Variants in HECW1 observed in about 807,000 individuals in gnomAD.
The protein encoded by HECW1 is E3 ubiquitin-protein ligase HECW1.
A neutral mutation model predicts 182.3 loss-of-function variants in HECW1; 61 were observed. That is an observed-to-expected ratio of 0.33 (90% CI 0.27 to 0.41). The LOEUF (loss-of-function observed/expected upper bound fraction) is 0.41. HECW1 is among the 10% of genes least tolerant of loss of function. The pLI is 1.00. For missense variants in HECW1, 1,739 were observed against 2,108.9 expected, an observed-to-expected ratio of 0.82 and a Z score of 3.44; for synonymous variants, 859 against 832.6, an observed-to-expected ratio of 1.03 and a Z score of -0.55.
intron 2 of HECW1, among the ~76,000 whole-genome samples, chr7:43,208,851 A>T (rs1049895213): frequency 6.6e-6 from 1 of 152,084 alleles, no homozygotes; most frequent in African/African-American, 2.4e-5. Context: ...GTCTGGATTC[A>T]TCTCCCTGCA....
intron 3 of HECW1, among the ~76,000 whole-genome samples, chr7:43,273,837 A>G (rs180947420): frequency 6.6e-6 from 1 of 151,786 alleles, no homozygotes; most frequent in East Asian, 1.9e-4. Flanking sequence ...AATATATGAC[A>G]GAAGTTGTAA....
chr7:43,446,813 C>T (rs1403601937), intron 11 of HECW1, among the ~76,000 whole-genome samples: 1 of 152,104 alleles, frequency 6.6e-6, no homozygotes, highest in Non-Finnish European at 1.5e-5. Context: ...GAAAGGTACC[C>T]ACAAGGAGCG....
intron 17 of HECW1, among the ~76,000 whole-genome samples, chr7:43,483,887 G>A (rs2078530360): frequency 6.6e-6 from 1 of 152,066 alleles, no homozygotes; most frequent in African/African-American, 2.4e-5. Context: ...TGAAAGCCAA[G>A]AAGAGGAAGG....
intron 2 of HECW1, among the ~76,000 whole-genome samples, chr7:43,172,710 A>C (rs1791816491): frequency 6.6e-6 from 1 of 152,194 alleles, no homozygotes; most frequent in Non-Finnish European, 1.5e-5. Context: ...AGATCCCTAA[A>C]GGGAACAAAT....
intron 24 of HECW1, among the ~76,000 whole-genome samples, chr7:43,535,850 A>G (rs1394209860): frequency 2.0e-5 from 3 of 152,182 alleles, no homozygotes; most frequent in East Asian, 1.9e-4. Flanking sequence ...AATATTTTAT[A>G]TATCACTTGT....
intron 3 of HECW1, chr7:43,274,197 G>A: frequency 1.3e-5 from 7 of 519,716 alleles, no homozygotes. Context: ...ACAAGGTGGT[G>A]GTCTCTCTTT....
intron 3 of HECW1, among the ~76,000 whole-genome samples, chr7:43,310,066 T>C (rs1307985253): frequency 6.6e-6 from 1 of 152,252 alleles, no homozygotes; most frequent in African/African-American, 2.4e-5. Flanking sequence ...CTGCCTCAGC[T>C]TTGATTATGG....
Position 43,425,225 on chromosome 7 carries a change from T to TCACACACA in HECW1, c.802-12762_802-12755dup, listed in dbSNP as rs61442575. Reference sequence around the variant, plus strand: ...ATATTTTATATATTTACCAAGACACTCACACACACACACACACACACACGT... The same window carrying TCACACACA: ...ATATTTTATATATTTACCAAGACACTCACACACACACACACACACACACACACACACGT... On this transcript the variant is annotated intron_variant, in intron 8 of 29. Transcript: ENST00000395891. Among the ~76,000 whole-genome samples, 13 of 147,556 alleles carry TCACACACA rather than the reference T, an allele frequency of 8.8e-5. No homozygotes were observed. The South Asian group carries it at 1.3e-3, about 15-fold the overall frequency.
intron 8 of HECW1, among the ~76,000 whole-genome samples, chr7:43,434,218 G>T (rs2024269): frequency 0.65 from 99,184 of 152,132 alleles, 33,137 homozygotes; most frequent in Middle Eastern, 0.81. Flanking sequence ...TATAGGATTA[G>T]TGGCCATTAA....
rs71008897 is a variant in HECW1 at position 43,221,537 on chromosome 7, G to GTTTTTTTTTTTT, written c.-31-22307_-31-22296dup. On this transcript the variant is annotated intron_variant, in intron 2 of 29. Coordinates refer to ENST00000395891, the MANE Select transcript of HECW1 (RefSeq NM_015052.5). The stretch of plus-strand genomic sequence containing the variant: ...CTAAACTAAATGTCAGAGGAATTAG[G>GTTTTTTTTTTTT]TTTTTTTTTTTTTTTTTTTTTTTTT... 3.6e-4 allele frequency among the ~76,000 whole-genome samples: 18 copies of GTTTTTTTTTTTT among 50,532 alleles called. 6 individuals carry two copies. Among genetic ancestry groups the GTTTTTTTTTTTT allele is most frequent in the East Asian group, 1.6e-3 (2 of 1,238 alleles). 33.2% of individuals were successfully genotyped at this position (50,532 alleles called of 152,430 possible).
chr7:43,267,995 A>G (rs559769731), intron 3 of HECW1, among the ~76,000 whole-genome samples: 1 of 148,412 alleles, frequency 6.7e-6, no homozygotes, highest in African/African-American at 2.5e-5. Context: ...AATTCACCTG[A>G]TAGTTATCAC....
intron 2 of HECW1, among the ~76,000 whole-genome samples, chr7:43,233,177 A>G (rs1798030322): frequency 6.6e-6 from 1 of 152,312 alleles, no homozygotes; most frequent in East Asian, 1.9e-4. Context: ...ATGTTTTCAT[A>G]TATATTCAAT....
At chr7:43,438,507 T>A (rs2076779913) in intron 9 of HECW1, 1 of 158,180 alleles carries the variant, frequency 6.3e-6, no homozygotes, top group African/African-American at 2.4e-5. Context: ...CAGTCTGGTA[T>A]GTAAGATTTA....
intron 2 of HECW1, among the ~76,000 whole-genome samples, chr7:43,202,293 G>A (rs917315146): frequency 6.6e-6 from 1 of 152,096 alleles, no homozygotes; most frequent in Non-Finnish European, 1.5e-5. Flanking sequence ...TCTGTACTCC[G>A]TAGGATCTCT....
chr7:43,469,347 G>A (rs555253882), intron 16 of HECW1, among the ~76,000 whole-genome samples: 9 of 152,288 alleles, frequency 5.9e-5, no homozygotes, highest in African/African-American at 2.2e-4. Flanking sequence ...GCTGCTAGAT[G>A]CCAACTGTTG....
chr7:43,496,727 G>A (rs2079136459), intron 19 of HECW1, among the ~76,000 whole-genome samples: 1 of 152,206 alleles, frequency 6.6e-6, no homozygotes, highest in Non-Finnish European at 1.5e-5. Context: ...GCCAGTTGCT[G>A]GGTTTGAGTA....
At chr7:43,223,233 C>T (rs1292019086) in intron 2 of HECW1, among the ~76,000 whole-genome samples, 2 of 152,202 alleles carry the variant, frequency 1.3e-5, no homozygotes, top group Non-Finnish European at 2.9e-5. Context: ...GTTCAGACCA[C>T]CACTATTTCT....
intron 3 of HECW1, among the ~76,000 whole-genome samples, chr7:43,288,652 G>A (rs549233776): frequency 6.6e-6 from 1 of 152,252 alleles, no homozygotes; most frequent in South Asian, 2.1e-4. Flanking sequence ...GAGCCCAGGA[G>A]GATTGTGAGA....
chr7:43,301,483 G>C (rs78043882), intron 3 of HECW1, among the ~76,000 whole-genome samples: 16,058 of 152,198 alleles, frequency 0.11, 893 homozygotes, highest in African/African-American at 0.14. Flanking sequence ...GAGGCTATGA[G>C]CACTGTTTAA....
Sources: gnomAD v4.1 joint callset for allele counts (sites outside exome capture counted in the v4.1 genomes callset) on GRCh38, gnomAD v4.1.1 for gene constraint, MANE v1.5 for transcripts, NCBI Gene and HGNC (gene_info 2026-07-23, HGNC 2026-07-21) for gene names.